ACO1: variants seen among roughly 807,000 people sequenced by gnomAD.
ACO1 encodes cytoplasmic aconitate hydratase.
Under a neutral mutation model 105.1 loss-of-function variants are expected in ACO1, and 78 were observed. The ratio of observed to expected loss-of-function variants is 0.74; its 90% CI spans 0.62 to 0.90. The LOEUF (loss-of-function observed/expected upper bound fraction) is 0.90. Ranked by LOEUF, ACO1 falls within the 40% of genes least tolerant of loss-of-function variation. The pLI, the probability that ACO1 is intolerant of heterozygous loss-of-function variation, is 0.00. For missense variants in ACO1, 965 were observed against 1,111.1 expected (o/e 0.87, Z 1.87); for synonymous variants, 364 against 397.4 (o/e 0.92, Z 1.00).
intron 4 of ACO1, among the ~76,000 whole-genome samples, chr9:32,413,950 C>G (rs1821796299): frequency 6.6e-6 from 1 of 151,982 alleles, no homozygotes; most frequent in South Asian, 2.1e-4. Flanking sequence ...GAGATCAAGA[C>G]CATCCTGGCT....
chr9:32,431,421 G>A (rs1822232448), intron 14 of ACO1, among the ~76,000 whole-genome samples: 1 of 152,208 alleles, frequency 6.6e-6, no homozygotes, highest in South Asian at 2.1e-4. Context: ...CGACTGTGAT[G>A]CGTACTGTGT....
In ACO1 at chr9:32,425,957, C is replaced by G. The variant is rs1344276354; in HGVS notation, c.1308C>G (p.Ser436Arg). Residue 436 changes from serine (S) to arginine (R), a missense_variant, in exon 11 of 21, where the codon AGC (serine) becomes AGG (arginine). Transcript: ENST00000309951. ...HGSVVIAAIT[S>R]CTNTSNPSVM... Reference sequence around the variant, plus strand: ...CTGTGGTCATTGCTGCCATTACTAGCTGCACAAACACCAGTAATCCGTCTG... The same window carrying G: ...CTGTGGTCATTGCTGCCATTACTAGGTGCACAAACACCAGTAATCCGTCTG... 6.2e-7 allele frequency: 1 copy of G among 1,614,104 alleles called. No homozygotes were observed. Among genetic ancestry groups the G allele is most frequent in the Admixed American group, 1.7e-5 (1 of 60,012 alleles).
rs770299249 is a variant in ACO1 at position 32,420,900 on chromosome 9, C to T, written c.843C>T (p.Phe281=). 11 of 1,613,850 alleles carry T rather than the reference C, an allele frequency of 6.8e-6. No individual in the cohort carries two copies. Among genetic ancestry groups the T allele is most frequent in the Middle Eastern group, 1.6e-4 (1 of 6,076 alleles). ...VGVVGKFVEF[F]GPGVAQLSIA... is the part of the protein sequence containing the mutation. ...TAGTGGGCAAATTTGTCGAGTTCTT[C>T]GGGCCTGGAGTAGCCCAGTTGTCCA... is the stretch of plus-strand genomic sequence containing the variant. Residue 281 remains phenylalanine (F), a synonymous_variant, in exon 8 of 21, where the codon TTC becomes TTT. Transcript: ENST00000309951.
chr9:32,393,089 C>T (rs1821300153), intron 1 of ACO1, among the ~76,000 whole-genome samples: 1 of 152,090 alleles, frequency 6.6e-6, no homozygotes, highest in East Asian at 1.9e-4. Context: ...ATCTGGGCTG[C>T]TTGAAAAAAG....
rs1341871101 is a variant in ACO1 at position 32,453,359 on chromosome 9, A to AG, written c.*3248_*3249insG. The AG allele has an allele frequency of 6.7e-6, 1 of 150,074 alleles. No individual in the cohort carries two copies. Among genetic ancestry groups the AG allele is most frequent in the Non-Finnish European group, 1.5e-5 (1 of 67,464 alleles). The allele number at this position is 150,074 out of a possible 1,614,324, so 9.3% of individuals were successfully genotyped here. A position where few individuals can be genotyped will look rare whatever the true frequency, so the allele number is the denominator to read the frequency against. ...AGCACAGCTCAAATTAGCTTAAGGA[A>AG]AAAAAAAAAAAAGCTGGCTCATAGA... On this transcript the variant is annotated 3_prime_UTR_variant, in exon 21 of 21. Coordinates refer to ENST00000309951, the MANE Select transcript of ACO1 (RefSeq NM_002197.3).
intron 7 of ACO1, 111 bp from the exon 8 acceptor site, chr9:32,420,745 A>C (rs1821954721): frequency 1.8e-6 from 2 of 1,104,228 alleles, no homozygotes; most frequent in African/African-American, 3.1e-5. Context: ...GGGCTGATTT[A>C]CTATTTGGGT....
rs184324014 is a variant in ACO1, at chr9:32,390,188, A to G, written c.-23+5453A>G. ...GCAGCTGTATAAATTAACGAGAATC[A>G]CTTATTAGGTCTTTTAGGAATAAGC... is the stretch of plus-strand genomic sequence containing the variant. On this transcript the variant is annotated intron_variant, in intron 1 of 20. Coordinates refer to ENST00000309951, the MANE Select transcript of ACO1 (RefSeq NM_002197.3). Among the ~76,000 whole-genome samples, 10 of 152,320 alleles carry G rather than the reference A, an allele frequency of 6.6e-5. 1 individual carries two copies. The South Asian group carries it at 2.1e-3, about 32-fold the overall frequency.
chr9:32,389,783 A>G (rs1297812408), intron 1 of ACO1, among the ~76,000 whole-genome samples: 1 of 140,182 alleles, frequency 7.1e-6, no homozygotes, highest in Non-Finnish European at 1.5e-5. Flanking sequence ...TAATTGGCCA[A>G]TTTTGTTTCC....
intron 1 of ACO1, among the ~76,000 whole-genome samples, chr9:32,393,369 A>G (rs1034363241): frequency 6.6e-6 from 1 of 152,164 alleles, no homozygotes; most frequent in African/African-American, 2.4e-5. Context: ...TAGCGCTCCC[A>G]GGCTTATTAG....
chr9:32,422,657 C>G (rs1213241683), intron 8 of ACO1, among the ~76,000 whole-genome samples: 1 of 152,226 alleles, frequency 6.6e-6, no homozygotes, highest in South Asian at 2.1e-4. Context: ...GATGCAGCAT[C>G]GTGAGTTAAG....
intron 1 of ACO1, among the ~76,000 whole-genome samples, chr9:32,389,653 C>G (rs927808304): frequency 6.7e-6 from 1 of 148,182 alleles, no homozygotes; most frequent in Admixed American, 6.8e-5. Context: ...CTCCCTAGAT[C>G]GACTGGCCTT....
chr9:32,446,897 GA>G, intron 19 of ACO1, among the ~76,000 whole-genome samples: 1 of 152,256 alleles, frequency 6.6e-6, no homozygotes, highest in Middle Eastern at 3.4e-3. Flanking sequence ...TAAGAATGTT[GA>G]ATATTGGCCC....
intron 8 of ACO1, among the ~76,000 whole-genome samples, chr9:32,422,469 T>G (rs576900065): frequency 6.6e-6 from 1 of 152,160 alleles, no homozygotes; most frequent in African/African-American, 2.4e-5. Context: ...CTAAAACAAA[T>G]AGACAAACAA....
chr9:32,434,919 G>A (rs972694695), intron 17 of ACO1, among the ~76,000 whole-genome samples: 5 of 152,190 alleles, frequency 3.3e-5, no homozygotes, highest in East Asian at 3.8e-4. Context: ...AGGGGAAGGG[G>A]AGAGGGACCT....
intron 1 of ACO1, among the ~76,000 whole-genome samples, chr9:32,399,628 T>G (rs1433002465): frequency 6.6e-6 from 1 of 152,226 alleles, no homozygotes; most frequent in East Asian, 1.9e-4. Flanking sequence ...GTTTGAATGC[T>G]AGTACTTGGA....
chr9:32,420,348 C>T (rs766345466), intron 7 of ACO1, among the ~76,000 whole-genome samples: 2 of 152,180 alleles, frequency 1.3e-5, no homozygotes, highest in Non-Finnish European at 2.9e-5. Context: ...CACTTCCAGA[C>T]GCTTCCAATG....
At chr9:32,401,635 GGCACCT>G (rs1821498161) in intron 1 of ACO1, among the ~76,000 whole-genome samples, 1 of 152,204 alleles carries the variant, frequency 6.6e-6, no homozygotes, top group Non-Finnish European at 1.5e-5. Flanking sequence ...GCTACTCCAA[GGCACCT>G]GCAAGTGTCC....
At chr9:32,394,414 T>A (rs1456320159) in intron 1 of ACO1, among the ~76,000 whole-genome samples, 1 of 152,234 alleles carries the variant, frequency 6.6e-6, no homozygotes, top group Non-Finnish European at 1.5e-5. Context: ...GGGGACTTTA[T>A]CCCTTCATCC....
At chr9:32,399,966 G>GT (rs57615512) in intron 1 of ACO1, among the ~76,000 whole-genome samples, 7,608 of 69,014 alleles carry the variant, frequency 0.11, 1,511 homozygotes, top group Non-Finnish European at 0.13. Context: ...TTCTTTTTCT[G>GT]TTTTTTTTTT....
Sources: gnomAD v4.1 joint callset for allele counts (sites outside exome capture counted in the v4.1 genomes callset) on GRCh38, gnomAD v4.1.1 for gene constraint, MANE v1.5 for transcripts, NCBI Gene and HGNC (gene_info 2026-07-23, HGNC 2026-07-21) for gene names.